The following VGLL1 variants were observed in gnomAD, a reference collection of about 807,000 sequenced individuals.
The protein encoded by VGLL1 is vestigial like family member 1.
A neutral mutation model predicts 12.0 loss-of-function variants in VGLL1; 4 were observed. That is an observed-to-expected ratio of 0.33 (90% CI 0.16 to 0.76). The LOEUF is 0.76. Ranked by LOEUF, VGLL1 falls within the 30% of genes least tolerant of loss-of-function variation. The pLI is 0.60. For missense variants in VGLL1, 204 were observed against 208.7 expected, an observed-to-expected ratio of 0.98 and a Z score of 0.14; for synonymous variants, 87 against 81.2, an observed-to-expected ratio of 1.07 and a Z score of -0.39.
intron 2 of VGLL1, among the ~76,000 whole-genome samples, chrX:136,538,683 C>T (rs1427942236): frequency 8.9e-6 from 1 of 112,756 alleles, no homozygotes; most frequent in East Asian, 2.8e-4. Context: ...TCCCCTGTTT[C>T]CAGATGCCAT....
intron 2 of VGLL1, among the ~76,000 whole-genome samples, chrX:136,544,248 C>T (rs1218592938): frequency 1.8e-5 from 2 of 112,253 alleles, no homozygotes; most frequent in Non-Finnish European, 3.8e-5. Flanking sequence ...GCTAATCTTT[C>T]GCTATATTAT....
chrX:136,538,106 C>T (rs142197554), intron 2 of VGLL1, among the ~76,000 whole-genome samples: 315 of 111,463 alleles, frequency 2.8e-3, no homozygotes, highest in African/African-American at 9.1e-3. Context: ...AATAAACAGT[C>T]GTACATCTCA....
At position 136,548,784 on chromosome X, in the gene VGLL1, C is replaced by G. The variant is rs779081962; in HGVS notation, c.410C>G (p.Ala137Gly). The G allele has an allele frequency of 8.2e-7, 1 of 1,212,134 alleles. No individual in the cohort carries two copies. The highest frequency in any genetic ancestry group is 1.8e-5 in the South Asian group (1 of 57,009). ...GAGCTGTGGCATTTCTCCTCCCTGG[C>G]GGGCACCAGCTCCTTAGAGCCTGGC... is the stretch of plus-strand genomic sequence containing the variant. ...PGELWHFSSL[A>G]GTSSLEPGYS... Residue 137 changes from alanine (A) to glycine (G), a missense_variant, in exon 3 of 5, where the codon GCG (alanine) becomes GGG (glycine). By Grantham distance (60) the Ala-to-Gly change is moderately conservative (BLOSUM62 0). Coordinates refer to ENST00000370634, the MANE Select transcript of VGLL1 (RefSeq NM_016267.4).
At chrX:136,548,061 A>T (rs112025692) in intron 2 of VGLL1, among the ~76,000 whole-genome samples, 2 of 110,158 alleles carry the variant, frequency 1.8e-5, no homozygotes, top group African/African-American at 6.6e-5. Flanking sequence ...AGTGAAGTGG[A>T]GCAATCTCGG....
At chrX:136,535,940 C>T in intron 1 of VGLL1, 56 bp from the exon 2 acceptor site, 1 of 1,049,584 alleles carries the variant, frequency 9.5e-7, no homozygotes, top group African/African-American at 1.9e-5. Context: ...CTCACCCAAA[C>T]CACAGCCAAG....
At chrX:136,537,659 A>G (rs2075843699) in intron 2 of VGLL1, among the ~76,000 whole-genome samples, 2 of 111,344 alleles carry the variant, frequency 1.8e-5, no homozygotes, top group African/African-American at 3.3e-5. Flanking sequence ...TCCTGGGCTC[A>G]TGAAATTTTC....
chrX:136,552,108 A>C (rs1474339992), intron 4 of VGLL1, among the ~76,000 whole-genome samples: 2 of 111,900 alleles, frequency 1.8e-5, no homozygotes, highest in Non-Finnish European at 3.8e-5. Flanking sequence ...GTGGTATACA[A>C]ATTTGTTGAA....
chrX:136,541,978 A>C (rs2075857367), intron 2 of VGLL1, among the ~76,000 whole-genome samples: 1 of 111,518 alleles, frequency 9.0e-6, no homozygotes, highest in South Asian at 3.7e-4. Flanking sequence ...CAGTAACTAT[A>C]GTTTGTAGGG....
At chrX:136,548,220 C>G (rs949979258) in intron 2 of VGLL1, among the ~76,000 whole-genome samples, 1 of 111,728 alleles carries the variant, frequency 9.0e-6, no homozygotes, top group African/African-American at 3.3e-5. Flanking sequence ...AGGCTGGTCT[C>G]GAACTCCTGG....
intron 2 of VGLL1, among the ~76,000 whole-genome samples, chrX:136,547,796 CTGGT>C (rs2075873479): frequency 8.9e-6 from 1 of 111,855 alleles, no homozygotes; most frequent in East Asian, 2.8e-4. Context: ...CCTTAAGGAG[CTGGT>C]TGGATCCGGG....
At chrX:136,549,118 G>A (rs990376243) in intron 3 of VGLL1, 110 bp downstream of exon 3, 16 of 767,478 alleles carry the variant, frequency 2.1e-5, no homozygotes, top group Non-Finnish European at 2.9e-5. Flanking sequence ...TCTGGACATA[G>A]GGCTGCTGAG....
At chrX:136,555,397 G>T in intron 4 of VGLL1, among the ~76,000 whole-genome samples, 1 of 111,880 alleles carries the variant, frequency 8.9e-6, no homozygotes, top group East Asian at 2.8e-4. Flanking sequence ...ATTTAACATT[G>T]AAATGATAAA....
At chrX:136,551,933 G>A (rs1053818811) in intron 4 of VGLL1, among the ~76,000 whole-genome samples, 3 of 110,781 alleles carry the variant, frequency 2.7e-5, no homozygotes, top group Non-Finnish European at 5.7e-5. Context: ...AATAAAAATA[G>A]AGAGGATCCA....
intron 2 of VGLL1, among the ~76,000 whole-genome samples, chrX:136,542,181 G>A (rs1190542867): frequency 9.3e-6 from 1 of 107,319 alleles, no homozygotes; most frequent in Non-Finnish European, 1.9e-5. Context: ...GCCATAATCA[G>A]TAAGGGTAGG....
chrX:136,553,219 G>A (rs1312664522), intron 4 of VGLL1, among the ~76,000 whole-genome samples: 2 of 110,167 alleles, frequency 1.8e-5, no homozygotes, highest in Non-Finnish European at 3.8e-5. Context: ...ACCACCTGGG[G>A]AGCTTGTTCA....
intron 1 of VGLL1, among the ~76,000 whole-genome samples, chrX:136,534,006 G>C (rs1007402707): frequency 8.9e-6 from 1 of 112,448 alleles, no homozygotes; most frequent in East Asian, 2.8e-4. Context: ...TAGCTGTGTA[G>C]TTTCTGGCAC....
At chrX:136,541,498 A>G (rs191920244) in intron 2 of VGLL1, among the ~76,000 whole-genome samples, 364 of 112,612 alleles carry the variant, frequency 3.2e-3, no homozygotes, top group Non-Finnish European at 5.2e-3. Flanking sequence ...CTGCTGCCTC[A>G]GGGGAGGGCC....
In VGLL1 at chrX:136,554,368, G is replaced by A. The variant is rs1308250218; in HGVS notation, c.689-2083G>A. Reference sequence around the variant, plus strand: ...GTCCCTGCAAAAGCCCGAGATGTGTGTGAAGAATGGAAAAAAAAAAAAGAC... The same window carrying A: ...GTCCCTGCAAAAGCCCGAGATGTGTATGAAGAATGGAAAAAAAAAAAAGAC... On this transcript the variant is annotated intron_variant, in intron 4 of 4. Transcript: ENST00000370634. 2.8e-5 allele frequency among the ~76,000 whole-genome samples: 3 copies of A among 108,517 alleles called. No homozygotes were observed. The Admixed American group carries it at 3.0e-4, about 11-fold the overall frequency. 94.2% of individuals were successfully genotyped at this position (108,517 alleles called of 115,157 possible).
In VGLL1 at chrX:136,548,715, A is replaced by T; in HGVS notation, c.341A>T (p.Gln114Leu). The T allele has an allele frequency of 8.3e-7, 1 of 1,211,886 alleles. No individual in the cohort carries two copies. Among genetic ancestry groups the T allele is most frequent in the Non-Finnish European group, 1.1e-6 (1 of 895,574 alleles). The change falls in exon 3 of 5, where the codon CAG becomes CTG. Residue 114 changes from glutamine to leucine, a missense_variant. Physicochemically the swap from Gln to Leu is moderately radical, Grantham distance 113. Transcript: ENST00000370634. The part of the protein sequence containing the change: ...LHVPGPMAVN[Q>L]FSPSLARRAS... The stretch of plus-strand genomic sequence containing the variant: ...GTGCCTGGTCCCATGGCTGTGAATC[A>T]GTTCTCACCGTCCCTGGCTAGGAGG...
Sources: gnomAD v4.1 joint callset for allele counts (sites outside exome capture counted in the v4.1 genomes callset) on GRCh38, gnomAD v4.1.1 for gene constraint, MANE v1.5 for transcripts, NCBI Gene and HGNC (gene_info 2026-07-23, HGNC 2026-07-21) for gene names.